VPS8: variants seen among roughly 807,000 people sequenced by gnomAD.
VPS8 encodes VPS8 subunit of CORVET complex.
A neutral mutation model predicts 216.4 loss-of-function variants in VPS8; 129 were observed. The observed-to-expected ratio is 0.60, with a 90% CI of 0.52 to 0.69. VPS8 has a LOEUF of 0.69. Among genes scored for constraint, VPS8 ranks in the 30% least tolerant of loss-of-function variants. The pLI is 0.00. For missense variants in VPS8, 1,531 were observed against 1,683.5 expected (o/e 0.91, Z 1.59); for synonymous variants, 571 against 565.4 (o/e 1.01, Z -0.14).
At position 184,832,775 on chromosome 3, in the gene VPS8, A is replaced by G. The variant is rs1402572897; in HGVS notation, c.309A>G (p.Ser103=). 1.2e-6 allele frequency: 2 copies of G among 1,610,128 alleles called. No homozygotes were observed. Among genetic ancestry groups the G allele is most frequent in the African/African-American group, 1.3e-5 (1 of 74,874 alleles). ...TTGATTCTCACTCCTATGATACTTC[A>G]TCTGTGGCAAGCTCAGATAGTGGTG... The part of the protein sequence containing the change: ...DTIDSHSYDT[S]SVASSDSGDR... The change falls in exon 4 of 48, where the codon TCA becomes TCG. Residue 103 remains serine, a synonymous_variant. Transcript: ENST00000625842.
At chr3:184,869,623 A>G (rs1478240397) in intron 20 of VPS8, 95 bp downstream of exon 20, 1 of 1,236,578 alleles carries the variant, frequency 8.1e-7, no homozygotes. Context: ...AATGGCTACA[A>G]TCTAGAAGAG....
chr3:184,969,056 C>T (rs1747891506), intron 39 of VPS8, among the ~76,000 whole-genome samples: 2 of 152,074 alleles, frequency 1.3e-5, no homozygotes, highest in African/African-American at 4.8e-5. Flanking sequence ...TGTGTTTAGT[C>T]AATTTGGTTA....
intron 45 of VPS8, among the ~76,000 whole-genome samples, chr3:185,004,031 C>T (rs934807565): frequency 6.6e-6 from 1 of 152,156 alleles, no homozygotes; most frequent in African/African-American, 2.4e-5. Context: ...CCTCACTTTC[C>T]AGACTGGGCA....
At chr3:185,018,201 G>C (rs990719181) in intron 45 of VPS8, among the ~76,000 whole-genome samples, 2 of 152,144 alleles carry the variant, frequency 1.3e-5, no homozygotes, top group African/African-American at 2.4e-5. Context: ...CCTGGCAATC[G>C]GGATTAGCAT....
At chr3:185,051,764 A>C in intron 47 of VPS8, 112 bp from the exon 48 acceptor site, 1 of 1,279,124 alleles carries the variant, frequency 7.8e-7, no homozygotes, top group Non-Finnish European at 1.0e-6. Flanking sequence ...CCTGCATGTT[A>C]CTACTCCTGC....
chr3:185,050,178 A>G (rs937180041), intron 47 of VPS8, among the ~76,000 whole-genome samples: 1 of 150,008 alleles, frequency 6.7e-6, no homozygotes, highest in Admixed American at 6.7e-5. Flanking sequence ...TCAGGATGTG[A>G]AAGCATTGAG....
chr3:184,836,099 C>A, intron 5 of VPS8: 1 of 353,310 alleles, frequency 2.8e-6, no homozygotes, highest in Non-Finnish European at 5.5e-6. Context: ...CAGAAAAAGC[C>A]CTTAGTGCAA....
chr3:185,025,095 GTC>G (rs1463028819), intron 46 of VPS8, among the ~76,000 whole-genome samples: 5 of 152,138 alleles, frequency 3.3e-5, no homozygotes, highest in East Asian at 1.9e-4. Context: ...ACATAAGAAG[GTC>G]TTCAATAAAT....
At chr3:184,863,765 T>G (rs1560437911) in intron 16 of VPS8, among the ~76,000 whole-genome samples, 3 of 152,176 alleles carry the variant, frequency 2.0e-5, no homozygotes, top group Non-Finnish European at 4.4e-5. Flanking sequence ...ATTTAGACCA[T>G]TGTGCGAACT....
intron 45 of VPS8, among the ~76,000 whole-genome samples, chr3:185,004,747 A>G (rs147962732): frequency 1.3e-5 from 2 of 151,860 alleles, no homozygotes; most frequent in African/African-American, 2.4e-5. Flanking sequence ...AGTTCCTTGT[A>G]GATTCTGGTT....
At chr3:184,826,371 A>G in intron 3 of VPS8, 140 bp downstream of exon 3, 1 of 513,790 alleles carries the variant, frequency 1.9e-6, no homozygotes, top group Admixed American at 4.0e-5. Flanking sequence ...TTAAAATTTA[A>G]ATTAATTATA....
At position 184,860,038 on chromosome 3, in the gene VPS8, C is replaced by T; in HGVS notation, c.1197C>T (p.His399=). 1 of 1,612,748 alleles carries T rather than the reference C, an allele frequency of 6.2e-7. No individual in the cohort carries two copies. Among genetic ancestry groups the T allele is most frequent in the Non-Finnish European group, 8.5e-7 (1 of 1,179,166 alleles). The change falls in exon 15 of 48, where the codon CAC becomes CAT. Residue 399 remains histidine, a synonymous_variant. Coordinates refer to ENST00000625842, the MANE Select transcript of VPS8 (RefSeq NM_001009921.3). ...AIHVTKQKHL[H]LYYDLINFTW... is the part of the protein sequence containing the mutation. The stretch of plus-strand genomic sequence containing the variant: ...ATGTTACTAAGCAAAAGCATCTTCA[C>T]CTATACTATGACCTCATCAACTTTA...
chr3:184,846,857 C>T (rs746956351), intron 8 of VPS8, among the ~76,000 whole-genome samples: 1 of 152,152 alleles, frequency 6.6e-6, no homozygotes, highest in Admixed American at 6.5e-5. Flanking sequence ...AACTATACAG[C>T]GTGGTTCTGA....
At chr3:184,876,365 T>TA (rs924804902) in intron 21 of VPS8, among the ~76,000 whole-genome samples, 2 of 152,020 alleles carry the variant, frequency 1.3e-5, no homozygotes, top group African/African-American at 4.8e-5. Context: ...TTTTTTTTTT[T>TA]AATTTCCCAG....
chr3:184,906,207 T>A (rs1181216543), intron 25 of VPS8, among the ~76,000 whole-genome samples: 1 of 152,250 alleles, frequency 6.6e-6, no homozygotes, highest in East Asian at 1.9e-4. Context: ...GTGTGTTGTC[T>A]AATTTCCACC....
chr3:184,938,562 AT>A (rs915413357), intron 35 of VPS8, among the ~76,000 whole-genome samples: 6 of 151,916 alleles, frequency 3.9e-5, no homozygotes, highest in African/African-American at 1.5e-4. Context: ...CTTCTGGTAA[AT>A]TTTGCCTGTG....
At chr3:184,955,973 A>AAT (rs1397139526) in intron 36 of VPS8, among the ~76,000 whole-genome samples, 1 of 151,502 alleles carries the variant, frequency 6.6e-6, no homozygotes, top group African/African-American at 2.4e-5. Context: ...GATACAAAAA[A>AAT]AAAAAAGAAC....
intron 36 of VPS8, among the ~76,000 whole-genome samples, chr3:184,956,173 A>G (rs1436610233): frequency 6.6e-6 from 1 of 152,156 alleles, no homozygotes; most frequent in South Asian, 2.1e-4. Flanking sequence ...CAAGCTTCTT[A>G]TTAGTAAAAG....
At position 184,910,477 on chromosome 3, in the gene VPS8, C is replaced by T. The variant is rs1736299924; in HGVS notation, c.2147-3042C>T. On this transcript the variant is annotated intron_variant, in intron 25 of 47. Coordinates refer to ENST00000625842, the MANE Select transcript of VPS8 (RefSeq NM_001009921.3). ...AAGTGAAGGAACTCTCCACCAGAGC[C>T]CACGTGTTTCTCTCCTCACTCCAAA... Among the ~76,000 whole-genome samples, 3 of 152,178 alleles carry T rather than the reference C, an allele frequency of 2.0e-5. No homozygotes were observed. In the South Asian group the frequency reaches 6.2e-4, roughly 31 times the overall value.
Sources: allele counts gnomAD v4.1 joint callset (sites outside exome capture counted in the v4.1 genomes callset), GRCh38; gene constraint gnomAD v4.1.1; transcripts MANE v1.5; gene names NCBI Gene and HGNC (gene_info 2026-07-23, HGNC 2026-07-21).